The following ADRA1B variants were observed in gnomAD, a reference collection of about 807,000 sequenced individuals.
ADRA1B encodes the protein alpha-1B adrenergic receptor.
In ADRA1B, 17 loss-of-function variants were observed where a neutral mutation model predicts 17.9. The observed-to-expected ratio is 0.95, with a 90% CI of 0.65 to 1.42. ADRA1B has a LOEUF of 1.42. Among genes scored for constraint, ADRA1B ranks in the 40% most tolerant of loss-of-function variants. ADRA1B has a pLI of 0.00. For missense variants in ADRA1B, 681 were observed against 722.1 expected (o/e 0.94, Z 0.65); for synonymous variants, 366 against 327.6 (o/e 1.12, Z -1.27).
chr5:159,945,132 C>T (rs1197035804), intron 1 of ADRA1B, among the ~76,000 whole-genome samples: 1 of 152,140 alleles, frequency 6.6e-6, no homozygotes, highest in Non-Finnish European at 1.5e-5. Context: ...ATAATCCCTG[C>T]ACTTTGGGAG....
intron 1 of ADRA1B, among the ~76,000 whole-genome samples, chr5:159,940,002 G>A (rs13179079): frequency 0.13 from 19,850 of 152,060 alleles, 1,494 homozygotes; most frequent in Non-Finnish European, 0.16. Flanking sequence ...CATCTCTCCC[G>A]GGAGACTGGG....
intron 1 of ADRA1B, chr5:159,929,115 A>G (rs1013437922): frequency 2.0e-5 from 3 of 152,168 alleles, no homozygotes; most frequent in Non-Finnish European, 4.4e-5. Context: ...CAGTCAACAC[A>G]TCAAATAAAA....
intron 1 of ADRA1B, among the ~76,000 whole-genome samples, chr5:159,927,381 G>GCGCACACACA (rs372694181): frequency 2.1e-5 from 3 of 140,636 alleles, no homozygotes; most frequent in African/African-American, 8.0e-5. Flanking sequence ...ATTAAAACAT[G>GCGCACACACA]CACACACACA....
At chr5:159,934,924 T>A (rs1754913238) in intron 1 of ADRA1B, among the ~76,000 whole-genome samples, 1 of 151,756 alleles carries the variant, frequency 6.6e-6, no homozygotes, top group African/African-American at 2.4e-5. Flanking sequence ...ACCAAAATCA[T>A]CAACCTCAAA....
Position 159,972,495 on chromosome 5 carries a change from C to T in ADRA1B, c.*3C>T. The T allele has an allele frequency of 6.6e-6, 9 of 1,368,820 alleles. No homozygotes were observed. The highest frequency in any genetic ancestry group is 8.5e-6 in the Non-Finnish European group (9 of 1,056,754). The allele number at this position is 1,368,820 out of a possible 1,614,324, so 84.8% of individuals were successfully genotyped here. On this transcript the variant is annotated 3_prime_UTR_variant, in exon 2 of 2. Coordinates refer to ENST00000306675, the MANE Select transcript of ADRA1B (RefSeq NM_000679.4). Reference sequence around the variant, plus strand: ...CCCTGGCGCCCGGGCAGTTTTAGGGCCCCCGTGCGCAGCTTTCTTTCCCTG... The same window carrying T: ...CCCTGGCGCCCGGGCAGTTTTAGGGTCCCCGTGCGCAGCTTTCTTTCCCTG...
chr5:159,954,883 T>C (rs1431243876), intron 1 of ADRA1B, among the ~76,000 whole-genome samples: 1 of 152,154 alleles, frequency 6.6e-6, no homozygotes, highest in Non-Finnish European at 1.5e-5. Context: ...CCCACCCAGC[T>C]GGGTGTCCTA....
chr5:159,911,637 T>C (rs1286948074), upstream of ADRA1B, among the ~76,000 whole-genome samples: 1 of 152,146 alleles, frequency 6.6e-6, no homozygotes, highest in Admixed American at 6.5e-5. Flanking sequence ...AGTGACAAGT[T>C]GTAATTACCA....
chr5:159,887,278 C>T (rs1200776870), intron 1 of ADRA1B, among the ~76,000 whole-genome samples: 1 of 152,168 alleles, frequency 6.6e-6, no homozygotes, highest in East Asian at 1.9e-4. Context: ...AAACATCCAG[C>T]TCAACTAAAT....
chr5:159,985,670 G>A, the ADRA1B span, among the ~76,000 whole-genome samples: 1 of 152,116 alleles, frequency 6.6e-6, no homozygotes, highest in African/African-American at 2.4e-5. Context: ...CTTTTTTGTA[G>A]AGCTATTTAC....
chr5:159,945,748 G>GGTTT (rs397933217), intron 1 of ADRA1B, among the ~76,000 whole-genome samples: 4 of 112,374 alleles, frequency 3.6e-5, no homozygotes. Flanking sequence ...TTTTTTGTTT[G>GGTTT]TTTGTTTTTT....
intron 1 of ADRA1B, among the ~76,000 whole-genome samples, chr5:159,900,652 G>C (rs1486968823): frequency 6.6e-6 from 1 of 152,212 alleles, no homozygotes; most frequent in East Asian, 1.9e-4. Flanking sequence ...GAGAGAGAGA[G>C]TCAGCAAAGG....
the ADRA1B span, among the ~76,000 whole-genome samples, chr5:159,979,881 C>A: frequency 2.0e-5 from 3 of 150,760 alleles, no homozygotes; most frequent in Admixed American, 6.6e-5. Flanking sequence ...AAAAAAAAAA[C>A]ATGTGGCCAA....
At chr5:159,874,410 C>A (rs912515770) in intron 1 of ADRA1B, among the ~76,000 whole-genome samples, 2 of 152,240 alleles carry the variant, frequency 1.3e-5, no homozygotes, top group African/African-American at 4.8e-5. Context: ...TGGGTGGCCT[C>A]CTTCACAATT....
chr5:159,985,689 C>A, the ADRA1B span, among the ~76,000 whole-genome samples: 5 of 152,198 alleles, frequency 3.3e-5, no homozygotes, highest in African/African-American at 1.2e-4. Flanking sequence ...ACCAGCACAC[C>A]AAAGGGTCTG....
intron 1 of ADRA1B, among the ~76,000 whole-genome samples, chr5:159,955,664 A>G (rs1454237539): frequency 1.3e-5 from 2 of 152,202 alleles, no homozygotes; most frequent in Non-Finnish European, 2.9e-5. Flanking sequence ...TCCTAGGCTC[A>G]AAGAAACTCT....
chr5:159,939,274 AGAGAGT>A (rs1193127741), intron 1 of ADRA1B, among the ~76,000 whole-genome samples: 80 of 78,408 alleles, frequency 1.0e-3, no homozygotes, highest in Middle Eastern at 6.1e-3. Context: ...AGAGAGAGAG[AGAGAGT>A]GTGTGTGTGT....
In ADRA1B at chr5:159,972,536, TGGGGGGGAGGGGAGGGCGGGGCGG is replaced by T; in HGVS notation, c.*45_*68del. 1.0e-4 allele frequency: 3 copies of T among 29,220 alleles called. No homozygotes were observed. Among genetic ancestry groups the T allele is most frequent in the Non-Finnish European group, 1.6e-4 (3 of 18,632 alleles). The allele number at this position is 29,220 out of a possible 1,614,324, so 1.8% of individuals were successfully genotyped here. A position where few individuals can be genotyped will look rare whatever the true frequency, so the allele number is the denominator to read the frequency against. On this transcript the variant is annotated 3_prime_UTR_variant, in exon 2 of 2. Coordinates refer to ENST00000306675, the MANE Select transcript of ADRA1B (RefSeq NM_000679.4). ...TCTTTCCCTGGGGAGGAAAACATCG[TGGGGGGGAGGGGAGGGCGGGGCGG>T]AGGGGGGAGGGGAGCGTCCACGCCG...
intron 1 of ADRA1B, among the ~76,000 whole-genome samples, chr5:159,925,610 G>A (rs113058451): frequency 2.0e-5 from 3 of 152,170 alleles, no homozygotes; most frequent in South Asian, 2.1e-4. Context: ...AGTTGGCATC[G>A]TGGGCGAGAG....
chr5:159,944,346 G>C (rs1185139552), intron 1 of ADRA1B, among the ~76,000 whole-genome samples: 1 of 152,090 alleles, frequency 6.6e-6, no homozygotes, highest in African/African-American at 2.4e-5. Context: ...GTGTCCTGCA[G>C]GCTACTCATT....
Sources: gnomAD v4.1 joint callset for allele counts (sites outside exome capture counted in the v4.1 genomes callset) on GRCh38, gnomAD v4.1.1 for gene constraint, MANE v1.5 for transcripts, NCBI Gene and HGNC (gene_info 2026-07-23, HGNC 2026-07-21) for gene names.